CALN1: variants seen among roughly 807,000 people sequenced by gnomAD.
The protein encoded by CALN1 is calcium-binding protein 8.
A neutral mutation model predicts 30.6 loss-of-function variants in CALN1; 17 were observed. That is an observed-to-expected ratio of 0.56 (90% CI 0.38 to 0.83). CALN1 has a LOEUF of 0.83. Among genes scored for constraint, CALN1 ranks in the 40% least tolerant of loss-of-function variants. The pLI is 0.00. For missense variants in CALN1, 291 were observed against 354.9 expected, an observed-to-expected ratio of 0.82 and a Z score of 1.45; for synonymous variants, 156 against 131.4, an observed-to-expected ratio of 1.19 and a Z score of -1.28.
At chr7:71,896,371 C>T (rs1793532874) in intron 5 of CALN1, among the ~76,000 whole-genome samples, 1 of 152,136 alleles carries the variant, frequency 6.6e-6, no homozygotes, top group South Asian at 2.1e-4. Flanking sequence ...TTCTTTCTTT[C>T]TTACAAGCTC....
Position 71,787,218 on chromosome 7 carries a change from C to T in CALN1, c.*557G>A, listed in dbSNP as rs563778404. ...TGAAGACCGCCAGGGCTGCACCCCA[C>T]TTAATGGCTTTCCCCTCATGCCTTG... On this transcript the variant is annotated 3_prime_UTR_variant, in exon 7 of 7. Transcript: ENST00000395275. The T allele has an allele frequency of 6.5e-6, 1 of 154,274 alleles. No individual in the cohort carries two copies. The highest frequency in any genetic ancestry group is 2.0e-4 in the South Asian group (1 of 4,932). 9.6% of individuals were successfully genotyped at this position (154,274 alleles called of 1,614,324 possible).
intron 2 of CALN1, among the ~76,000 whole-genome samples, chr7:72,311,373 T>C (rs894535755): frequency 2.6e-5 from 4 of 152,184 alleles, no homozygotes; most frequent in African/African-American, 9.6e-5. Context: ...AGGCTATTAG[T>C]AGTTAAGTTT....
chr7:72,396,541 G>A (rs1287335959), intron 2 of CALN1, among the ~76,000 whole-genome samples: 1 of 152,122 alleles, frequency 6.6e-6, no homozygotes, highest in African/African-American at 2.4e-5. Context: ...ATGGAATAAG[G>A]TCTCTAAAGA....
chr7:72,467,959 G>A, the CALN1 span, among the ~76,000 whole-genome samples: 1 of 152,068 alleles, frequency 6.6e-6, no homozygotes, highest in African/African-American at 2.4e-5. Flanking sequence ...TATCTCTTTG[G>A]ATTTACCTAT....
At chr7:71,876,071 T>C (rs1208985145) in intron 5 of CALN1, among the ~76,000 whole-genome samples, 1 of 152,168 alleles carries the variant, frequency 6.6e-6, no homozygotes, top group Non-Finnish European at 1.5e-5. Context: ...TGGTAGGTTA[T>C]GTTTTGACAG....
chr7:72,255,181 G>A (rs1261338485), intron 3 of CALN1, among the ~76,000 whole-genome samples: 2 of 151,980 alleles, frequency 1.3e-5, no homozygotes, highest in Middle Eastern at 3.2e-3. Flanking sequence ...TGCCTCCTGG[G>A]CTCAAGCGAT....
At chr7:72,086,417 T>C (rs1001573879) in intron 4 of CALN1, among the ~76,000 whole-genome samples, 9 of 152,044 alleles carry the variant, frequency 5.9e-5, no homozygotes, top group African/African-American at 9.7e-5. Context: ...GGATCAATTA[T>C]TGTAGTTGTT....
intron 2 of CALN1, among the ~76,000 whole-genome samples, chr7:72,325,959 T>C (rs1447144830): frequency 6.6e-6 from 1 of 152,208 alleles, no homozygotes; most frequent in Non-Finnish European, 1.5e-5. Flanking sequence ...TGGAATGCAG[T>C]GGCACAATCT....
the CALN1 span, among the ~76,000 whole-genome samples, chr7:72,461,102 G>T: frequency 1.4e-4 from 21 of 152,276 alleles, no homozygotes; most frequent in African/African-American, 4.1e-4. Flanking sequence ...TGCCTCATGA[G>T]GGGGCATGAC....
intron 5 of CALN1, among the ~76,000 whole-genome samples, chr7:71,948,745 T>A (rs10241860): frequency 0.79 from 101,922 of 128,872 alleles, 37,547 homozygotes; most frequent in Middle Eastern, 0.85. Flanking sequence ...AAAAAAAAAA[T>A]AATAATTTGT....
intron 2 of CALN1, among the ~76,000 whole-genome samples, chr7:72,289,774 T>A (rs763554371): frequency 2.2e-4 from 33 of 152,106 alleles, no homozygotes; most frequent in Non-Finnish European, 4.4e-4. Context: ...TATTTCATTG[T>A]AAGTTCATAT....
chr7:72,165,919 T>C (rs1788493813), intron 3 of CALN1, among the ~76,000 whole-genome samples: 1 of 152,186 alleles, frequency 6.6e-6, no homozygotes, highest in South Asian at 2.1e-4. Context: ...ACTGCACCAG[T>C]AGGCATGTTA....
At chr7:72,446,934 G>C (rs1364360741) in intron 1 of CALN1, 2 of 152,470 alleles carry the variant, frequency 1.3e-5, no homozygotes, top group Non-Finnish European at 2.9e-5. Context: ...AGGAGGAAGA[G>C]GGGAAGAGGA....
intron 5 of CALN1, among the ~76,000 whole-genome samples, chr7:71,855,721 C>T (rs1445666161): frequency 1.3e-5 from 2 of 152,120 alleles, no homozygotes; most frequent in Non-Finnish European, 2.9e-5. Context: ...CTGGTGCTGG[C>T]TACCCTATAC....
the CALN1 span, among the ~76,000 whole-genome samples, chr7:72,488,332 C>A: frequency 6.6e-6 from 1 of 151,752 alleles, no homozygotes; most frequent in Admixed American, 6.6e-5. Flanking sequence ...GACTGCACCA[C>A]TGCACTCCAG....
intron 2 of CALN1, among the ~76,000 whole-genome samples, chr7:72,294,598 A>C (rs1246559199): frequency 6.6e-6 from 1 of 151,980 alleles, no homozygotes; most frequent in Non-Finnish European, 1.5e-5. Flanking sequence ...AAAAATTTAG[A>C]AATAGCCTAG....
intron 3 of CALN1, among the ~76,000 whole-genome samples, chr7:72,194,734 G>A (rs1475699999): frequency 6.6e-6 from 1 of 151,590 alleles, no homozygotes; most frequent in Non-Finnish European, 1.5e-5. Flanking sequence ...TGGGATTACA[G>A]GTGCCAGCCA....
chr7:71,959,074 G>A (rs1343535322), intron 5 of CALN1, among the ~76,000 whole-genome samples: 1 of 152,170 alleles, frequency 6.6e-6, no homozygotes, highest in Non-Finnish European at 1.5e-5. Context: ...AGGATGTTCT[G>A]GAAGCTGTGG....
chr7:72,257,144 G>C (rs766835422), intron 3 of CALN1, among the ~76,000 whole-genome samples: 3 of 152,170 alleles, frequency 2.0e-5, no homozygotes, highest in Non-Finnish European at 4.4e-5. Context: ...AGCGTGCACA[G>C]GGGAAACTGC....
Sources: allele counts gnomAD v4.1 joint callset (sites outside exome capture counted in the v4.1 genomes callset), GRCh38; gene constraint gnomAD v4.1.1; transcripts MANE v1.5; gene names NCBI Gene and HGNC (gene_info 2026-07-23, HGNC 2026-07-21).